KIAA1549L: variants seen among roughly 807,000 people sequenced by gnomAD.
The protein encoded by KIAA1549L is UPF0606 protein KIAA1549L.
Under a neutral mutation model 160.7 loss-of-function variants are expected in KIAA1549L, and 88 were observed. The ratio of observed to expected loss-of-function variants is 0.55; its 90% CI spans 0.46 to 0.65. The LOEUF (loss-of-function observed/expected upper bound fraction) is 0.65. KIAA1549L is among the 30% of genes least tolerant of loss of function. The pLI is 0.00. For synonymous variants in KIAA1549L, 950 were observed against 976.7 expected (o/e 0.97, Z 0.51); for missense variants, 2,258 against 2,437.5 (o/e 0.93, Z 1.55).
intron 1 of KIAA1549L, among the ~76,000 whole-genome samples, chr11:33,432,726 CA>C (rs1270724367): frequency 1.3e-5 from 2 of 152,046 alleles, no homozygotes; most frequent in African/African-American, 4.8e-5. Flanking sequence ...GTACTGGTAC[CA>C]AAAGAGACAT....
rs59140753 is a variant in KIAA1549L, at chr11:33,661,879, C to CAA, written c.6159+891_6159+892dup. Among the ~76,000 whole-genome samples, 36 of 36,250 alleles carry CAA rather than the reference C, an allele frequency of 9.9e-4. 1 individual carries two copies. Among genetic ancestry groups the CAA allele is most frequent in the Non-Finnish European group, 1.3e-3 (21 of 15,590 alleles). 23.8% of individuals were successfully genotyped at this position (36,250 alleles called of 152,430 possible). A position where few individuals can be genotyped will look rare whatever the true frequency, so the allele number is the denominator to read the frequency against. ...GGGGCGATAGAGCAAGACTATGTCT[C>CAA]AAAAAAAAAAAAAAAAAAAAAAAAA... On this transcript the variant is annotated intron_variant, in intron 20 of 20. Coordinates refer to ENST00000658780, the MANE Select transcript of KIAA1549L (RefSeq NM_012194.3).
chr11:33,499,126 C>T (rs1298754053), intron 1 of KIAA1549L, among the ~76,000 whole-genome samples: 1 of 152,126 alleles, frequency 6.6e-6, no homozygotes, highest in Non-Finnish European at 1.5e-5. Context: ...AAAAGGTCCT[C>T]CTTCCTCTTT....
At chr11:33,633,598 T>G (rs1052735888) in intron 16 of KIAA1549L, among the ~76,000 whole-genome samples, 5 of 151,998 alleles carry the variant, frequency 3.3e-5, no homozygotes, top group African/African-American at 1.2e-4. Context: ...TCAGCTAAGA[T>G]GAAAAAAAGC....
chr11:33,620,861 AAGTG>A (rs1023306495), intron 16 of KIAA1549L, among the ~76,000 whole-genome samples: 1 of 152,228 alleles, frequency 6.6e-6, no homozygotes, highest in Non-Finnish European at 1.5e-5. Flanking sequence ...AGAAAAAAAA[AAGTG>A]AGTCATAGTT....
intron 12 of KIAA1549L, among the ~76,000 whole-genome samples, chr11:33,597,866 A>C (rs779528977): frequency 3.3e-5 from 5 of 152,192 alleles, no homozygotes; most frequent in African/African-American, 2.4e-5. Flanking sequence ...CCACTTTCCT[A>C]CTATGTCCTA....
Position 33,542,606 on chromosome 11 carries a change from T to C in KIAA1549L, c.1043T>C (p.Met348Thr), listed in dbSNP as rs1317679629. 1 of 1,613,970 alleles carries C rather than the reference T, an allele frequency of 6.2e-7. No individual in the cohort carries two copies. Among genetic ancestry groups the C allele is most frequent in the African/African-American group, 1.3e-5 (1 of 75,052 alleles). Residue 348 changes from methionine (M) to threonine (T), a missense_variant, in exon 2 of 21, where the codon ATG becomes ACG. Met to Thr is a moderately conservative substitution (Grantham distance 81). This residue lies in a region of KIAA1549L where 540 missense variants were observed against 465.7 expected (regional missense o/e 1.16). Coordinates refer to ENST00000658780, the MANE Select transcript of KIAA1549L (RefSeq NM_012194.3). ...GSSTPGFLSP[M>T]AELSHPSPPP... Reference sequence around the variant, plus strand: ...TCCACACCTGGGTTTTTGAGCCCCATGGCAGAACTGTCCCATCCGTCTCCC... The same window carrying C: ...TCCACACCTGGGTTTTTGAGCCCCACGGCAGAACTGTCCCATCCGTCTCCC...
chr11:33,407,752 T>C (rs1411279265), intron 1 of KIAA1549L, among the ~76,000 whole-genome samples: 2 of 152,206 alleles, frequency 1.3e-5, no homozygotes, highest in African/African-American at 4.8e-5. Context: ...TGCCTTGCAG[T>C]GAAGCAGATG....
Position 33,443,602 on chromosome 11 carries a change from G to A in KIAA1549L, c.238+66713G>A, listed in dbSNP as rs574489446. 9.5e-4 allele frequency among the ~76,000 whole-genome samples: 143 copies of A among 151,182 alleles called. 1 individual carries two copies. The highest frequency in any genetic ancestry group is 1.0e-3 in the South Asian group (5 of 4,786). On this transcript the variant is annotated intron_variant, in intron 1 of 20. Coordinates refer to ENST00000658780, the MANE Select transcript of KIAA1549L (RefSeq NM_012194.3). ...TTTTCAAAGTACTTGATTTTTTTTG[G>A]TGCCCCAAATAGATTTTAACTCACT...
intron 1 of KIAA1549L, among the ~76,000 whole-genome samples, chr11:33,407,170 C>T (rs1473755331): frequency 6.9e-6 from 1 of 144,064 alleles, no homozygotes; most frequent in Non-Finnish European, 1.5e-5. Flanking sequence ...CTACAAACTC[C>T]GCCTCCCGGG....
At chr11:33,528,050 T>G (rs955869113) in intron 1 of KIAA1549L, among the ~76,000 whole-genome samples, 1 of 152,190 alleles carries the variant, frequency 6.6e-6, no homozygotes, top group African/African-American at 2.4e-5. Context: ...TTGCTGCCAC[T>G]TAAGATGTGA....
chr11:33,660,949 T>C lies in KIAA1549L; in HGVS notation c.6094T>C (p.Tyr2032His). 6 of 1,613,324 alleles carry C rather than the reference T, an allele frequency of 3.7e-6. No individual in the cohort carries two copies. The highest frequency in any genetic ancestry group is 5.1e-6 in the Non-Finnish European group (6 of 1,179,598). The change falls in exon 20 of 21, where the codon TAT becomes CAT. Residue 2032 changes from tyrosine to histidine, a missense_variant. Coordinates refer to ENST00000658780, the MANE Select transcript of KIAA1549L (RefSeq NM_012194.3). ...CTTCATCCCAACGCCTCCCTCATCC[T>C]ATAGGAACCAGGCCTGGATGTCCTA... The part of the protein sequence containing the change: ...GYFIPTPPSS[Y>H]RNQAWMSYAG...
chr11:33,482,622 C>T lies in KIAA1549L; in HGVS notation c.239-59180C>T, dbSNP rs552779851. Among the ~76,000 whole-genome samples the T allele has an allele frequency of 1.3e-4, 18 of 142,974 alleles. No homozygotes were observed. In the East Asian group the frequency reaches 2.4e-3, roughly 19 times the overall value. 93.8% of individuals were successfully genotyped at this position (142,974 alleles called of 152,430 possible). ...TCACTCTGTCGCCCAGGCTGGAGTG[C>T]GGTGGCATGATCTTGGCCCTCACTG... On this transcript the variant is annotated intron_variant, in intron 1 of 20. Coordinates refer to ENST00000658780, the MANE Select transcript of KIAA1549L (RefSeq NM_012194.3).
At chr11:33,526,940 A>C (rs1853627474) in intron 1 of KIAA1549L, among the ~76,000 whole-genome samples, 1 of 152,208 alleles carries the variant, frequency 6.6e-6, no homozygotes, top group Non-Finnish European at 1.5e-5. Context: ...TCTCCAGAGA[A>C]ATAGATATTA....
chr11:33,555,612 CA>C (rs1479234501), intron 6 of KIAA1549L, among the ~76,000 whole-genome samples: 1 of 152,144 alleles, frequency 6.6e-6, no homozygotes. Flanking sequence ...CATGTGATCC[CA>C]AAAGAATGAA....
intron 11 of KIAA1549L, among the ~76,000 whole-genome samples, 182 bp downstream of exon 11, chr11:33,583,683 A>G (rs975350728): frequency 5.3e-5 from 8 of 152,202 alleles, no homozygotes; most frequent in Non-Finnish European, 1.2e-4. Flanking sequence ...TCTGATGCCC[A>G]TTCGGCCATC....
At position 33,568,559 on chromosome 11, in the gene KIAA1549L, G is replaced by C. The variant is rs1320066446; in HGVS notation, c.4230+332G>C. On this transcript the variant is annotated intron_variant, in intron 9 of 20. Coordinates refer to ENST00000658780, the MANE Select transcript of KIAA1549L (RefSeq NM_012194.3). ...GACAGACTCATCATCAGCTTGTTCA[G>C]TAAGCTCAATGAAGTCCCAGCTCTC... Among the ~76,000 whole-genome samples the C allele has an allele frequency of 2.0e-5, 3 of 152,190 alleles. No homozygotes were observed. The East Asian group carries it at 5.8e-4, about 29-fold the overall frequency.
At chr11:33,460,786 C>T (rs556553466) in intron 1 of KIAA1549L, among the ~76,000 whole-genome samples, 1 of 152,192 alleles carries the variant, frequency 6.6e-6, no homozygotes, top group Non-Finnish European at 1.5e-5. Context: ...GCGTTTTGTT[C>T]CTTGCAAAGA....
chr11:33,442,436 A>T (rs1358762789), intron 1 of KIAA1549L, among the ~76,000 whole-genome samples: 2 of 151,876 alleles, frequency 1.3e-5, no homozygotes, highest in African/African-American at 2.4e-5. Context: ...ACTTTAAAGT[A>T]GTTTTTTCCA....
chr11:33,495,748 G>C (rs1590287951), intron 1 of KIAA1549L, among the ~76,000 whole-genome samples: 1 of 152,072 alleles, frequency 6.6e-6, no homozygotes, highest in African/African-American at 2.4e-5. Flanking sequence ...CACCAACAGT[G>C]TAAAAGTGTT....
Sources: allele counts gnomAD v4.1 joint callset (sites outside exome capture counted in the v4.1 genomes callset), GRCh38; gene constraint gnomAD v4.1.1; regional missense constraint gnomAD v4.1.1; transcripts MANE v1.5; gene names NCBI Gene and HGNC (gene_info 2026-07-23, HGNC 2026-07-21).